Variants in MED12L observed in about 807,000 individuals in gnomAD.
MED12L encodes the protein mediator complex subunit 12L, also known as mediator of RNA polymerase II transcription subunit 12-like protein.
Under a neutral mutation model 281.3 loss-of-function variants are expected in MED12L, and 60 were observed. That is an observed-to-expected ratio of 0.21 (90% confidence interval 0.17 to 0.26). MED12L has a LOEUF of 0.26. Ranked by LOEUF, MED12L falls within the 10% of genes least tolerant of loss-of-function variation. MED12L has a pLI of 1.00. For synonymous variants in MED12L, 974 were observed against 987.2 expected, an observed-to-expected ratio of 0.99 and a Z score of 0.25; for missense variants, 2,146 against 2,680.9, an observed-to-expected ratio of 0.80 and a Z score of 4.41.
intron 16 of MED12L, among the ~76,000 whole-genome samples, chr3:151,301,057 C>T (rs1224210966): frequency 6.6e-6 from 1 of 152,080 alleles, no homozygotes; most frequent in Non-Finnish European, 1.5e-5. Context: ...TTGAACAGCT[C>T]CGGTATGTGG....
At chr3:151,400,492 T>C (rs1034401339) in intron 39 of MED12L, among the ~76,000 whole-genome samples, 2 of 152,182 alleles carry the variant, frequency 1.3e-5, no homozygotes, top group South Asian at 2.1e-4. Context: ...TTATAGCTAG[T>C]ATATGTAGCG....
chr3:151,323,868 G>A (rs915678102), intron 16 of MED12L, among the ~76,000 whole-genome samples: 2 of 152,188 alleles, frequency 1.3e-5, no homozygotes, highest in African/African-American at 4.8e-5. Flanking sequence ...AGTGCTGGAG[G>A]GACCCCTGAA....
At chr3:151,394,531 G>C in intron 38 of MED12L, 125 bp from the exon 39 acceptor site, 1 of 1,438,004 alleles carries the variant, frequency 7.0e-7, no homozygotes, top group Non-Finnish European at 9.4e-7. Flanking sequence ...AGGTGGGACA[G>C]TGCATTTTTT....
intron 42 of MED12L, among the ~76,000 whole-genome samples, chr3:151,413,497 G>T (rs761682357): frequency 1.3e-5 from 2 of 152,156 alleles, no homozygotes; most frequent in Non-Finnish European, 2.9e-5. Context: ...ACCAGGTTAT[G>T]GGCAGAAGAG....
chr3:151,281,155 G>A (rs1489110406), intron 16 of MED12L, among the ~76,000 whole-genome samples: 3 of 148,204 alleles, frequency 2.0e-5, no homozygotes, highest in Admixed American at 6.9e-5. Context: ...TTGGGAGGCC[G>A]AGGCAGGCAG....
intron 38 of MED12L, among the ~76,000 whole-genome samples, chr3:151,392,864 A>G (rs998892559): frequency 2.6e-5 from 4 of 151,612 alleles, no homozygotes; most frequent in Non-Finnish European, 4.4e-5. Flanking sequence ...ACAAGATCAT[A>G]GAGTTAGGAA....
intron 2 of MED12L, among the ~76,000 whole-genome samples, chr3:151,102,221 T>C (rs570849999): frequency 2.6e-5 from 4 of 152,198 alleles, no homozygotes; most frequent in Non-Finnish European, 5.9e-5. Context: ...ACGCCTGTTA[T>C]TGACCTCCTT....
chr3:151,377,132 G>A lies in MED12L; in HGVS notation c.4270G>A (p.Ala1424Thr). ...CTTCAACCCAAACAGTATTGGAAGT[G>A]CTGATACAAGTAGCACGAGACAGAA... Reference protein sequence around the residue: ...SLFNPNSIGSADTSSTRQNGI... With the variant: ...SLFNPNSIGSTDTSSTRQNGI... Residue 1424 changes from alanine (A) to threonine (T), a missense_variant, in exon 30 of 45, where the codon GCT becomes ACT. Ala to Thr is a moderately conservative substitution (Grantham distance 58). Transcript: ENST00000687756. The A allele has an allele frequency of 6.2e-7, 1 of 1,613,942 alleles. No homozygotes were observed. Among genetic ancestry groups the A allele is most frequent in the Non-Finnish European group, 8.5e-7 (1 of 1,179,934 alleles).
intron 16 of MED12L, among the ~76,000 whole-genome samples, chr3:151,219,018 T>C (rs1470764838): frequency 2.6e-5 from 4 of 152,160 alleles, no homozygotes; most frequent in Non-Finnish European, 2.9e-5. Context: ...CTACATTGTC[T>C]ACTGTCACTT....
chr3:151,266,174 G>A (rs1430485463), intron 16 of MED12L, among the ~76,000 whole-genome samples: 1 of 152,162 alleles, frequency 6.6e-6, no homozygotes, highest in Non-Finnish European at 1.5e-5. Context: ...TGATGCTGCT[G>A]CCTCTGTGCC....
chr3:151,412,687 A>T, intron 41 of MED12L, among the ~76,000 whole-genome samples: 1 of 152,300 alleles, frequency 6.6e-6, no homozygotes, highest in East Asian at 1.9e-4. Context: ...AAAGCCCAAA[A>T]GTTCTGGGTT....
chr3:151,431,057 C>T (rs909888838), intron 44 of MED12L, among the ~76,000 whole-genome samples: 2 of 152,094 alleles, frequency 1.3e-5, no homozygotes, highest in South Asian at 4.1e-4. Context: ...CACCCCTGGG[C>T]GGGTGTCATA....
intron 16 of MED12L, among the ~76,000 whole-genome samples, chr3:151,345,517 CT>C (rs201731496): frequency 3.9e-3 from 509 of 131,618 alleles, no homozygotes; most frequent in African/African-American, 0.011. Flanking sequence ...TTTTCTTTTT[CT>C]TTTTTTTTTT....
At chr3:151,112,346 T>C (rs1031848405) in intron 2 of MED12L, among the ~76,000 whole-genome samples, 1 of 151,330 alleles carries the variant, frequency 6.6e-6, no homozygotes, top group African/African-American at 2.4e-5. Context: ...AGCAGCACGA[T>C]CTCTCCTCTC....
At chr3:151,233,455 C>T (rs956634550) in intron 16 of MED12L, among the ~76,000 whole-genome samples, 15 of 152,184 alleles carry the variant, frequency 9.9e-5, no homozygotes, top group East Asian at 1.9e-4. Flanking sequence ...AGCACTGGGC[C>T]GGGCGTGATG....
intron 36 of MED12L, among the ~76,000 whole-genome samples, chr3:151,385,423 A>T (rs895398529): frequency 3.9e-5 from 6 of 152,196 alleles, no homozygotes; most frequent in African/African-American, 1.4e-4. Context: ...CCTGAATTTA[A>T]GTAAATTTTT....
intron 16 of MED12L, among the ~76,000 whole-genome samples, chr3:151,207,082 C>T (rs552690497): frequency 2.1e-5 from 3 of 143,488 alleles, no homozygotes; most frequent in African/African-American, 7.8e-5. Context: ...GGTCGTCTTA[C>T]GTTGTCCAGG....
rs888351292 is a variant in MED12L at position 151,192,647 on chromosome 3, A to G, written c.2066A>G (p.Glu689Gly). ...KSDFKTDFGS[E>G]FPIFSPMPGE... ...GACTTTAAAACTGACTTTGGTTCGG[A>G]ATTTCCAGTAGGTTCAATCTTTGAT... The change falls in exon 15 of 45, where the codon GAA becomes GGA. Residue 689 changes from glutamate (E) to glycine (G), a missense_variant. Glu to Gly is a moderately conservative substitution (Grantham distance 98). Coordinates refer to ENST00000687756, the MANE Select transcript of MED12L (RefSeq NM_001393769.1). The G allele has an allele frequency of 3.5e-5, 53 of 1,525,788 alleles. 1 individual carries two copies. In the Admixed American group the frequency reaches 7.1e-4, roughly 20 times the overall value. The allele number at this position is 1,525,788 out of a possible 1,614,324, so 94.5% of individuals were successfully genotyped here.
intron 2 of MED12L, among the ~76,000 whole-genome samples, chr3:151,107,446 C>A (rs888667906): frequency 1.3e-5 from 2 of 152,106 alleles, no homozygotes; most frequent in South Asian, 2.1e-4. Flanking sequence ...ACTTGGAATT[C>A]GCTCACTATG....
Sources: allele counts gnomAD v4.1 joint callset (sites outside exome capture counted in the v4.1 genomes callset), GRCh38; gene constraint gnomAD v4.1.1; transcripts MANE v1.5; gene names NCBI Gene and HGNC (gene_info 2026-07-23, HGNC 2026-07-21).